The following TFCP2L1 variants were observed in gnomAD, a reference collection of about 807,000 sequenced individuals.
TFCP2L1 encodes transcription factor CP2-like protein 1.
TFCP2L1 carries 12 observed loss-of-function variants against 72.2 expected under a neutral mutation model. That is an observed-to-expected ratio of 0.17 (90% CI 0.11 to 0.27). The LOEUF is 0.27. TFCP2L1 is among the 10% of genes least tolerant of loss of function. The pLI is 1.00. For synonymous variants in TFCP2L1, 260 were observed against 251.0 expected (o/e 1.04, Z -0.34); for missense variants, 488 against 624.6 (o/e 0.78, Z 2.33).
intron 4 of TFCP2L1, among the ~76,000 whole-genome samples, chr2:121,248,491 C>T (rs140043235): frequency 6.5e-4 from 99 of 152,316 alleles, no homozygotes; most frequent in Non-Finnish European, 1.3e-3. Context: ...TATTTTGCTA[C>T]AGAAATATGA....
At chr2:121,255,443 CG>C (rs1351390265) in intron 2 of TFCP2L1, among the ~76,000 whole-genome samples, 1 of 152,170 alleles carries the variant, frequency 6.6e-6, no homozygotes, top group African/African-American at 2.4e-5. Flanking sequence ...TGAATTGTCA[CG>C]TAGCCATGTG....
At chr2:121,267,620 A>T (rs926034516) in intron 2 of TFCP2L1, among the ~76,000 whole-genome samples, 5 of 151,936 alleles carry the variant, frequency 3.3e-5, no homozygotes, top group Admixed American at 3.3e-4. Context: ...CAGCCTCCCG[A>T]GTAGCTGGGA....
At chr2:121,269,397 G>A (rs1686997981) in intron 2 of TFCP2L1, among the ~76,000 whole-genome samples, 1 of 152,044 alleles carries the variant, frequency 6.6e-6, no homozygotes, top group Admixed American at 6.5e-5. Flanking sequence ...GCAGTGAGCT[G>A]TAATCGCACC....
At chr2:121,235,094 C>T (rs543390317) in intron 11 of TFCP2L1, 127 bp downstream of exon 11, 9 of 924,234 alleles carry the variant, frequency 9.7e-6, no homozygotes, top group Non-Finnish European at 1.5e-5. Context: ...ACACTTGACC[C>T]CACACTGCAG....
Position 121,225,751 on chromosome 2 carries a change from C to T in TFCP2L1, c.1342-138G>A, listed in dbSNP as rs116539052. On this transcript the variant is annotated intron_variant, in intron 13 of 14. Coordinates refer to ENST00000263707, the MANE Select transcript of TFCP2L1 (RefSeq NM_014553.3). ...GCCACGGTGCCCACACACACAGGAA[C>T]GCGGTAAACACCACTGCCACGGTGC... 2,982 of 843,620 alleles carry T rather than the reference C, an allele frequency of 3.5e-3. 114 individuals are homozygous for T. The African/African-American group carries it at 0.044, about 12-fold the overall frequency. The allele number at this position is 843,620 out of a possible 1,614,324, so 52.3% of individuals were successfully genotyped here. A position where few individuals can be genotyped will look rare whatever the true frequency, so the allele number is the denominator to read the frequency against.
At position 121,239,627 on chromosome 2, in the gene TFCP2L1, G is replaced by A; in HGVS notation, c.791C>T (p.Ala264Val). The A allele has an allele frequency of 1.9e-6, 3 of 1,614,154 alleles. No individual in the cohort carries two copies. The highest frequency in any genetic ancestry group is 1.1e-5 in the South Asian group (1 of 91,068). ...LTECSPWPDV[A>V]YQVNSAPSPS... ...GGACGGGGCGCTGTTCACCTGGTAG[G>A]CCACGTCGGGCCATGGAGAGCACTG... Residue 264 changes from alanine (A) to valine (V), a missense_variant, in exon 8 of 15, where the codon GCC (alanine) becomes GTC (valine). Transcript: ENST00000263707.
Position 121,237,721 on chromosome 2 carries a change from G to A in TFCP2L1, c.910-5C>T. 1 of 1,614,178 alleles carries A rather than the reference G, an allele frequency of 6.2e-7. No homozygotes were observed. Among genetic ancestry groups the A allele is most frequent in the Non-Finnish European group, 8.5e-7 (1 of 1,180,038 alleles). The stretch of plus-strand genomic sequence containing the variant: ...CGAAGCTGATGGGAGCAGGTGCTGT[G>A]AGCAGAGGGGAGAGGCCTTGAGATG... On this transcript the variant is annotated splice_region_variant and splice_polypyrimidine_tract_variant and intron_variant, in intron 9 of 14. Transcript: ENST00000263707.
intron 1 of TFCP2L1, among the ~76,000 whole-genome samples, chr2:121,281,926 G>GTT (rs11383241): frequency 3.9e-4 from 40 of 103,504 alleles, no homozygotes; most frequent in African/African-American, 8.6e-4. Context: ...TTGTGTGGTT[G>GTT]TTTTTTTTGG....
intron 1 of TFCP2L1, 117 bp from the exon 2 acceptor site, chr2:121,281,388 GC>G: frequency 8.7e-7 from 1 of 1,149,296 alleles, no homozygotes; most frequent in Non-Finnish European, 1.2e-6. Context: ...CACGGCACGC[GC>G]ATCGCAGGGT....
At chr2:121,235,947 T>C (rs543492463) in intron 10 of TFCP2L1, among the ~76,000 whole-genome samples, 1 of 152,184 alleles carries the variant, frequency 6.6e-6, no homozygotes, top group East Asian at 1.9e-4. Context: ...GGAGCCACTA[T>C]CCTGACTTGC....
intron 1 of TFCP2L1, among the ~76,000 whole-genome samples, chr2:121,281,487 A>AC (rs1687260666): frequency 6.6e-6 from 1 of 151,512 alleles, no homozygotes; most frequent in Non-Finnish European, 1.5e-5. Context: ...TCACTCAATG[A>AC]CCCCCCAAAA....
chr2:121,248,753 G>A (rs1374143506), intron 4 of TFCP2L1, among the ~76,000 whole-genome samples: 1 of 152,166 alleles, frequency 6.6e-6, no homozygotes, highest in African/African-American at 2.4e-5. Flanking sequence ...TGAACTCCCT[G>A]TGAGCAGGTC....
At chr2:121,225,178 C>T (rs1170096176) in intron 14 of TFCP2L1, among the ~76,000 whole-genome samples, 1 of 152,146 alleles carries the variant, frequency 6.6e-6, no homozygotes, top group Non-Finnish European at 1.5e-5. Flanking sequence ...TCTTGGCCCA[C>T]AGGCTCTTCC....
At chr2:121,246,557 G>A (rs1167432924) in intron 6 of TFCP2L1, among the ~76,000 whole-genome samples, 1 of 152,232 alleles carries the variant, frequency 6.6e-6, no homozygotes, top group African/African-American at 2.4e-5. Context: ...CGACAGCCAG[G>A]ACGGACATCC....
At chr2:121,250,003 C>T (rs1041393147) in intron 2 of TFCP2L1, among the ~76,000 whole-genome samples, 1 of 152,200 alleles carries the variant, frequency 6.6e-6, no homozygotes, top group Non-Finnish European at 1.5e-5. Flanking sequence ...GGATGGAGAA[C>T]ACAGCTACTT....
intron 2 of TFCP2L1, among the ~76,000 whole-genome samples, chr2:121,251,576 T>G (rs1244370402): frequency 6.6e-6 from 1 of 152,194 alleles, no homozygotes; most frequent in Non-Finnish European, 1.5e-5. Context: ...CAAATTTCCA[T>G]TAGACAGGAG....
chr2:121,221,108 G>A lies in TFCP2L1; in HGVS notation c.*3233C>T, dbSNP rs1685920865. The A allele has an allele frequency of 6.6e-6, 1 of 152,200 alleles. No homozygotes were observed. 9.4% of individuals were successfully genotyped at this position (152,200 alleles called of 1,614,324 possible). ...TGATGACAGACAGCCTAAGGGGCTG[G>A]ACCTCAGAAGACTAAAGGTCTAGTC... On this transcript the variant is annotated 3_prime_UTR_variant, in exon 15 of 15. Coordinates refer to ENST00000263707, the MANE Select transcript of TFCP2L1 (RefSeq NM_014553.3).
intron 2 of TFCP2L1, among the ~76,000 whole-genome samples, chr2:121,278,166 A>G (rs935403651): frequency 6.7e-6 from 1 of 148,302 alleles, no homozygotes; most frequent in Admixed American, 6.7e-5. Context: ...CCTCCCGAGT[A>G]GCTGGGACTA....
At chr2:121,239,519 T>C (rs758226182) in intron 8 of TFCP2L1, 39 bp downstream of exon 8, 1 of 1,608,100 alleles carries the variant, frequency 6.2e-7, no homozygotes, top group Non-Finnish European at 8.5e-7. Flanking sequence ...ACACCTGCCT[T>C]CATTTCAGGG....
Sources: gnomAD v4.1 joint callset for allele counts (sites outside exome capture counted in the v4.1 genomes callset) on GRCh38, gnomAD v4.1.1 for gene constraint, MANE v1.5 for transcripts, NCBI Gene and HGNC (gene_info 2026-07-23, HGNC 2026-07-21) for gene names.